Variants in SYT16 observed in about 807,000 individuals in gnomAD.
SYT16 encodes synaptotagmin 16, also known as synaptotagmin-16.
In SYT16, 42 loss-of-function variants were observed where a neutral mutation model predicts 61.4. The observed-to-expected ratio is 0.68, with a 90% confidence interval of 0.53 to 0.89. The LOEUF (loss-of-function observed/expected upper bound fraction) is 0.89, where lower values mean the gene tolerates loss of function less well. SYT16 is among the 40% of genes least tolerant of loss of function. SYT16 has a pLI of 0.00. For synonymous variants in SYT16, 314 were observed against 302.3 expected (o/e 1.04, Z -0.40); for missense variants, 804 against 807.3 (o/e 1.00, Z 0.05).
At position 62,081,086 on chromosome 14, in the gene SYT16, G is replaced by T. The variant is rs2056690387; in HGVS notation, c.1246G>T (p.Glu416Ter). ...IQRGPNPVFR[E>*]KVTFAKLEPR... ...GAGAGGGCCCAACCCCGTCTTCAGG[G>T]AGAAGGTCACCTTTGCCAAGCTGGA... is the stretch of plus-strand genomic sequence containing the variant. The change falls in exon 6 of 8, where the codon GAG (glutamate) becomes TAG (stop). Residue 416 changes from glutamate (E) to a stop codon, truncating the protein, a stop_gained. Transcript: ENST00000683842. LOFTEE classifies it high-confidence loss of function. The T allele has an allele frequency of 6.2e-7, 1 of 1,613,874 alleles. No individual in the cohort carries two copies. Among genetic ancestry groups the T allele is most frequent in the Non-Finnish European group, 8.5e-7 (1 of 1,179,848 alleles).
At chr14:61,849,412 T>TGG (rs1308958136) in intron 1 of SYT16, among the ~76,000 whole-genome samples, 2 of 152,308 alleles carry the variant, frequency 1.3e-5, no homozygotes, top group African/African-American at 4.8e-5. Context: ...GCAGTCGTTG[T>TGG]GGCATAGATT....
intron 1 of SYT16, among the ~76,000 whole-genome samples, chr14:61,851,797 ACT>A (rs2046628646): frequency 6.6e-6 from 1 of 151,760 alleles, no homozygotes; most frequent in Admixed American, 6.6e-5. Flanking sequence ...TTCCTTGTAG[ACT>A]CTGGATATTA....
At chr14:61,815,804 G>C (rs1250197695) in intron 1 of SYT16, among the ~76,000 whole-genome samples, 1 of 152,198 alleles carries the variant, frequency 6.6e-6, no homozygotes, top group Non-Finnish European at 1.5e-5. Flanking sequence ...AAGTATTCCA[G>C]ATAATATTTT....
chr14:62,100,362 A>G, intron 7 of SYT16, 32 bp from the exon 8 acceptor site: 1 of 1,522,196 alleles, frequency 6.6e-7, no homozygotes, highest in East Asian at 2.3e-5. Context: ...GTTTCTTATC[A>G]TCCCCACCCC....
At chr14:61,941,998 A>G (rs916578091) in intron 1 of SYT16, among the ~76,000 whole-genome samples, 2 of 152,270 alleles carry the variant, frequency 1.3e-5, no homozygotes, top group East Asian at 3.8e-4. Context: ...AAATGTATTT[A>G]TGAATATGAA....
chr14:61,999,004 G>T (rs1209342384), intron 3 of SYT16, among the ~76,000 whole-genome samples: 4 of 151,770 alleles, frequency 2.6e-5, no homozygotes, highest in Admixed American at 6.6e-5. Flanking sequence ...AATCCACTTG[G>T]TCATGTTATG....
At chr14:61,920,476 A>G (rs2140403195) in intron 1 of SYT16, among the ~76,000 whole-genome samples, 1 of 152,002 alleles carries the variant, frequency 6.6e-6, no homozygotes, top group Non-Finnish European at 1.5e-5. Flanking sequence ...CTTGGTTTTA[A>G]CCTTTCTTTC....
chr14:61,849,882 A>G (rs1402029857), intron 1 of SYT16, among the ~76,000 whole-genome samples: 4 of 152,164 alleles, frequency 2.6e-5, no homozygotes, highest in East Asian at 1.9e-4. Context: ...GGAGGCTTCT[A>G]TTGGCCATCT....
intron 7 of SYT16, among the ~76,000 whole-genome samples, chr14:62,089,887 TAGC>T (rs1167969425): frequency 3.3e-5 from 5 of 152,248 alleles, no homozygotes; most frequent in Non-Finnish European, 7.3e-5. Context: ...TTGGAAAAGT[TAGC>T]AGTAAGAGTT....
intron 1 of SYT16, among the ~76,000 whole-genome samples, chr14:61,870,135 G>T (rs2047284422): frequency 6.6e-6 from 1 of 152,006 alleles, no homozygotes. Flanking sequence ...TTTACTGAAG[G>T]ACTTCCTTTA....
rs1378511862 is a variant in SYT16, at chr14:62,038,113, G to A, written c.524-31490G>A. On this transcript the variant is annotated intron_variant, in intron 3 of 7. Transcript: ENST00000683842. ...AGCTCCACTCTGCCAGCTCTAAATA[G>A]GATGTGGATAGGGGTTTCTCCAGGG... Among the ~76,000 whole-genome samples the A allele has an allele frequency of 3.3e-5, 5 of 152,048 alleles. No individual in the cohort carries two copies. In the East Asian group the frequency reaches 5.9e-4, roughly 18 times the overall value.
intron 1 of SYT16, among the ~76,000 whole-genome samples, chr14:61,949,405 ATC>A (rs1221680597): frequency 6.6e-6 from 1 of 152,182 alleles, no homozygotes; most frequent in African/African-American, 2.4e-5. Context: ...GAGACTGAGT[ATC>A]TCTGTGTGAA....
At chr14:61,892,130 G>A (rs2048156781) in intron 1 of SYT16, among the ~76,000 whole-genome samples, 1 of 150,606 alleles carries the variant, frequency 6.6e-6, no homozygotes, top group African/African-American at 2.4e-5. Context: ...CTTCTCCTTC[G>A]CCCTGCATCC....
Position 61,996,080 on chromosome 14 carries a change from A to G in SYT16, c.61A>G (p.Ile21Val). Reference sequence around the variant, plus strand: ...CTTCTTCCAGCCTTTCTCTTCCTGGATATCTCGGGTTTATGAAGCTCTCCA... The same window carrying G: ...CTTCTTCCAGCCTTTCTCTTCCTGGGTATCTCGGGTTTATGAAGCTCTCCA... ...QNFFQPFSSW[I>V]SRVYEALQQA... The change falls in exon 3 of 8, where the codon ATA (isoleucine) becomes GTA (valine). Residue 21 changes from isoleucine to valine, a missense_variant. Physicochemically the swap from Ile to Val is conservative, Grantham distance 29. Coordinates refer to ENST00000683842, the MANE Select transcript of SYT16 (RefSeq NM_001367656.1). The G allele has an allele frequency of 6.2e-7, 1 of 1,611,906 alleles. No individual in the cohort carries two copies. The highest frequency in any genetic ancestry group is 8.5e-7 in the Non-Finnish European group (1 of 1,178,912).
intron 3 of SYT16, among the ~76,000 whole-genome samples, chr14:62,049,406 T>C (rs1475499956): frequency 8.5e-5 from 13 of 152,166 alleles, no homozygotes; most frequent in African/African-American, 3.1e-4. Context: ...ATACAGCACA[T>C]TGATGGGTGT....
rs181561440 is a variant in SYT16 at position 61,945,570 on chromosome 14, T to C, written c.-324-24562T>C. Among the ~76,000 whole-genome samples, 246 of 152,014 alleles carry C rather than the reference T, an allele frequency of 1.6e-3. 1 individual carries two copies. Among genetic ancestry groups the C allele is most frequent in the African/African-American group, 5.6e-3 (231 of 41,480 alleles). ...CTATGCAGTCATAAAAAAGGATGAG[T>C]TGGGGCCAGGCGCGGTGGCTCACGC... is the stretch of plus-strand genomic sequence containing the variant. On this transcript the variant is annotated intron_variant, in intron 1 of 7. Coordinates refer to ENST00000683842, the MANE Select transcript of SYT16 (RefSeq NM_001367656.1).
Position 62,080,862 on chromosome 14 carries a change from C to A in SYT16, c.1022C>A (p.Pro341Gln), listed in dbSNP as rs1486012042. ...CAGGACAGGACCAATTTGCAGGTGC[C>A]ATCCGGGGTCTCAGAGCCCATCTCA... is the stretch of plus-strand genomic sequence containing the variant. ...EEQDRTNLQVPSGVSEPISKC... is the reference protein window; with the variant it reads ...EEQDRTNLQVQSGVSEPISKC... Residue 341 changes from proline (P) to glutamine (Q), a missense_variant, in exon 6 of 8, where the codon CCA becomes CAA. Physicochemically the swap from Pro to Gln is moderately conservative, Grantham distance 76 (BLOSUM62 -1). Transcript: ENST00000683842. 5.6e-6 allele frequency: 9 copies of A among 1,602,036 alleles called. No individual in the cohort carries two copies. In the East Asian group the frequency reaches 1.6e-4, roughly 28 times the overall value.
intron 3 of SYT16, among the ~76,000 whole-genome samples, chr14:62,006,944 G>A (rs1163275703): frequency 6.6e-6 from 1 of 152,032 alleles, no homozygotes; most frequent in Non-Finnish European, 1.5e-5. Context: ...AAACAATCTC[G>A]GAACGTACTT....
intron 7 of SYT16, among the ~76,000 whole-genome samples, chr14:62,096,974 C>T (rs1338861584): frequency 1.3e-5 from 2 of 152,016 alleles, no homozygotes; most frequent in East Asian, 3.9e-4. Flanking sequence ...CTTTCCCTTA[C>T]CCTGTATCCC....
Sources: gnomAD v4.1 joint callset for allele counts (sites outside exome capture counted in the v4.1 genomes callset) on GRCh38, gnomAD v4.1.1 for gene constraint, MANE v1.5 for transcripts, NCBI Gene and HGNC (gene_info 2026-07-23, HGNC 2026-07-21) for gene names.